The following ARSG variants were observed in gnomAD, a reference collection of about 807,000 sequenced individuals.
The protein encoded by ARSG is ASG.
Under a neutral mutation model 50.5 loss-of-function variants are expected in ARSG, and 37 were observed. The ratio of observed to expected loss-of-function variants is 0.73; its 90% CI spans 0.56 to 0.96. The LOEUF (loss-of-function observed/expected upper bound fraction) is 0.96, where lower values mean the gene tolerates loss of function less well. ARSG is among the 50% of genes least tolerant of loss of function. The probability of loss-of-function intolerance (pLI) is 0.00; values close to 1 mark genes in which losing one functional copy is unlikely to be tolerated. For synonymous variants in ARSG, 225 were observed against 254.6 expected (o/e 0.88, Z 1.11); for missense variants, 629 against 675.3 (o/e 0.93, Z 0.76).
chr17:68,283,798 A>C (rs2075774772), intron 1 of ARSG, among the ~76,000 whole-genome samples: 1 of 149,602 alleles, frequency 6.7e-6, no homozygotes, highest in Non-Finnish European at 1.5e-5. Flanking sequence ...GAATCACTTG[A>C]ACCTGGAAGG....
chr17:68,390,236 G>A (rs898206288), intron 9 of ARSG, among the ~76,000 whole-genome samples: 5 of 151,866 alleles, frequency 3.3e-5, no homozygotes, highest in Non-Finnish European at 7.4e-5. Context: ...GATCTGCCTG[G>A]CAGGTCAGGC....
the ARSG span, chr17:68,428,961 C>A: frequency 6.3e-7 from 1 of 1,578,680 alleles, no homozygotes. Context: ...AAACATAAAC[C>A]GTGATGACAA....
chr17:68,364,423 G>A (rs976910842), intron 6 of ARSG, among the ~76,000 whole-genome samples: 1 of 152,070 alleles, frequency 6.6e-6, no homozygotes, highest in Non-Finnish European at 1.5e-5. Context: ...GCCTAGGCTG[G>A]AGTGCAGTGG....
intron 11 of ARSG, among the ~76,000 whole-genome samples, chr17:68,412,003 C>T (rs914119822): frequency 1.8e-4 from 28 of 152,188 alleles, no homozygotes; most frequent in African/African-American, 6.7e-4. Context: ...TTATTTTGAG[C>T]CTATGTGTGT....
In ARSG at chr17:68,271,306, T is replaced by A; in HGVS notation, c.-552+11880T>A. 1 of 1,614,216 alleles carries A rather than the reference T, an allele frequency of 6.2e-7. No individual in the cohort carries two copies. The highest frequency in any genetic ancestry group is 8.5e-7 in the Non-Finnish European group (1 of 1,180,038). On this transcript the variant is annotated intron_variant, in intron 1 of 11. Transcript: ENST00000448504. The surrounding 1 kb of genome is among the most constrained non-coding windows in gnomAD (Gnocchi z 5.3). ...ACTTTTCTCTTTCAAAATGGAGAAG[T>A]CTAATAGCGGGGCTTTCTTTTCGCT...
At chr17:68,390,263 C>T (rs1046886649) in intron 9 of ARSG, among the ~76,000 whole-genome samples, 4 of 152,232 alleles carry the variant, frequency 2.6e-5, no homozygotes, top group Non-Finnish European at 4.4e-5. Flanking sequence ...GCATCCTCCT[C>T]GCCACCACTG....
At chr17:68,327,970 A>G (rs1428513598) in intron 2 of ARSG, among the ~76,000 whole-genome samples, 3 of 152,146 alleles carry the variant, frequency 2.0e-5, no homozygotes, top group Non-Finnish European at 4.4e-5. Context: ...AGACTTGAAG[A>G]TAATGCCTTG....
intron 11 of ARSG, among the ~76,000 whole-genome samples, chr17:68,401,869 T>C (rs1445214923): frequency 1.3e-5 from 2 of 152,236 alleles, no homozygotes; most frequent in African/African-American, 2.4e-5. Flanking sequence ...GAAGTCTCTC[T>C]GCTTCTTGGT....
intron 8 of ARSG, among the ~76,000 whole-genome samples, chr17:68,379,299 G>A (rs1443747998): frequency 1.3e-5 from 2 of 152,036 alleles, no homozygotes; most frequent in Non-Finnish European, 2.9e-5. Context: ...GCAGTGCAGT[G>A]GTCTGATCAT....
chr17:68,390,405 G>A (rs1179206855), intron 9 of ARSG, among the ~76,000 whole-genome samples: 3 of 152,176 alleles, frequency 2.0e-5, no homozygotes, highest in Non-Finnish European at 4.4e-5. Context: ...ATTTTCATAA[G>A]GGCAATGCAA....
chr17:68,389,392 G>A (rs2080886505), intron 9 of ARSG, among the ~76,000 whole-genome samples: 1 of 152,110 alleles, frequency 6.6e-6, no homozygotes, highest in Admixed American at 6.5e-5. Context: ...GTGGATGAGG[G>A]TGCCAGGGAA....
intron 2 of ARSG, among the ~76,000 whole-genome samples, chr17:68,310,385 T>C (rs1276788002): frequency 6.6e-6 from 1 of 152,170 alleles, no homozygotes; most frequent in Non-Finnish European, 1.5e-5. Flanking sequence ...GACTCACTTA[T>C]TTATGAAAGG....
At chr17:68,429,845 TCC>T in the ARSG span, 2 of 1,121,666 alleles carry the variant, frequency 1.8e-6, no homozygotes, top group Non-Finnish European at 2.6e-6. Context: ...TGCCTTGGCC[TCC>T]CAAGGTTCCG....
In ARSG at chr17:68,385,099, G is replaced by A; in HGVS notation, c.1018G>A (p.Gly340Arg). ...AGCCAAGCAGACGACCTGGGAAGGA[G>A]GGCACCGGGTCCCAGCACTGGCTTA... ...SPAKQTTWEGGHRVPALAYWP... is the reference protein window; with the variant it reads ...SPAKQTTWEGRHRVPALAYWP... The change falls in exon 9 of 12, where the codon GGG (glycine) becomes AGG (arginine). Residue 340 changes from glycine (G) to arginine (R), a missense_variant. By Grantham distance (125) the Gly-to-Arg change is moderately radical. Transcript: ENST00000621439. 6.2e-7 allele frequency: 1 copy of A among 1,614,076 alleles called. No homozygotes were observed. The highest frequency in any genetic ancestry group is 8.5e-7 in the Non-Finnish European group (1 of 1,179,984).
At chr17:68,426,261 T>TAA (rs963018289), downstream of ARSG, 1 of 934,766 alleles carries the variant, frequency 1.1e-6, no homozygotes, top group African/African-American at 1.7e-5. Context: ...GGGGCTCAAA[T>TAA]AAAGGGCAAA....
At chr17:68,431,444 G>C in the ARSG span, among the ~76,000 whole-genome samples, 1 of 152,078 alleles carries the variant, frequency 6.6e-6, no homozygotes, top group African/African-American at 2.4e-5. Context: ...GGAGGTTCTG[G>C]GGGTGGTGGC....
At chr17:68,260,228 T>C (rs73998065) in intron 1 of ARSG, among the ~76,000 whole-genome samples, 5,768 of 152,294 alleles carry the variant, frequency 0.038, 360 homozygotes, top group African/African-American at 0.13. Context: ...GCTTGTTGTT[T>C]AACCAATGGC....
intron 6 of ARSG, 102 bp downstream of exon 6, chr17:68,356,906 G>A: frequency 6.9e-7 from 1 of 1,443,914 alleles, no homozygotes; most frequent in South Asian, 1.3e-5. Flanking sequence ...CCATGGCAGA[G>A]TTTTGCTGCT....
intron 1 of ARSG, among the ~76,000 whole-genome samples, chr17:68,263,881 G>A (rs2075111870): frequency 6.6e-6 from 1 of 151,910 alleles, no homozygotes; most frequent in African/African-American, 2.4e-5. Flanking sequence ...TTTTTGAGAT[G>A]GAATCTTGCT....
Sources: gnomAD v4.1 joint callset for allele counts (sites outside exome capture counted in the v4.1 genomes callset) on GRCh38, gnomAD v4.1.1 for gene constraint, Gnocchi (gnomAD v3.1) non-coding constraint, MANE v1.5 for transcripts, NCBI Gene and HGNC (gene_info 2026-07-23, HGNC 2026-07-21) for gene names.